CLK1: variants seen among roughly 807,000 people sequenced by gnomAD.
CLK1 encodes the protein dual specificity protein kinase CLK1.
In CLK1, 40 loss-of-function variants were observed where a neutral mutation model predicts 60.9. The ratio of observed to expected loss-of-function variants is 0.66; its 90% CI spans 0.51 to 0.86. CLK1 has a LOEUF of 0.86. Among genes scored for constraint, CLK1 ranks in the 40% least tolerant of loss-of-function variants. The probability of loss-of-function intolerance (pLI) is 0.00; values close to 1 mark genes in which losing one functional copy is unlikely to be tolerated. For synonymous variants in CLK1, 203 were observed against 184.4 expected (o/e 1.10, Z -0.82); for missense variants, 563 against 606.1 (o/e 0.93, Z 0.75).
chr2:200,857,538 C>A, intron 7 of CLK1, 180 bp downstream of exon 7: 1 of 513,100 alleles, frequency 1.9e-6, no homozygotes, highest in Non-Finnish European at 3.4e-6. Context: ...TGGTGGATAT[C>A]CTACTTGCTG....
chr2:200,860,832 T>C (rs1333441349), intron 3 of CLK1: 2 of 1,041,266 alleles, frequency 1.9e-6, no homozygotes. Context: ...ACATGACTTG[T>C]TAGAACAAAG....
chr2:200,857,566 TG>T, intron 7 of CLK1, 151 bp downstream of exon 7: 1 of 605,180 alleles, frequency 1.7e-6, no homozygotes. Flanking sequence ...TGTACACTGC[TG>T]GATCAACAGC....
intron 1 of CLK1, among the ~76,000 whole-genome samples, chr2:200,863,660 C>T (rs188535859): frequency 0.012 from 1,868 of 152,190 alleles, 19 homozygotes; most frequent in Non-Finnish European, 0.02. Context: ...CAGTTTGAGG[C>T]CAGCTTAATA....
intron 4 of CLK1, 25 bp from the exon 5 acceptor site, chr2:200,859,771 T>G: frequency 6.2e-7 from 1 of 1,610,892 alleles, no homozygotes; most frequent in Non-Finnish European, 8.5e-7. Flanking sequence ...TAAATCTCAG[T>G]CATATCAAGA....
chr2:200,856,945 A>T lies in CLK1; in HGVS notation c.873T>A (p.Pro291=). The change falls in exon 8 of 13, where the codon CCT becomes CCA. Residue 291 remains proline, a synonymous_variant. Transcript: ENST00000321356. ...CAGACTGCACAAATAAGATGTTTTCAGGCTTTAAGTCTGTGTGAGTCAACT... is the reference window on the plus strand; with the variant it reads ...CAGACTGCACAAATAAGATGTTTTCTGGCTTTAAGTCTGTGTGAGTCAACT... The part of the protein sequence containing the change: ...SNKLTHTDLK[P]ENILFVQSDY... 1 of 1,614,164 alleles carries T rather than the reference A, an allele frequency of 6.2e-7. No individual in the cohort carries two copies. Among genetic ancestry groups the T allele is most frequent in the Non-Finnish European group, 8.5e-7 (1 of 1,180,014 alleles).
chr2:200,860,562 T>C (rs2039120655), intron 3 of CLK1: 2 of 1,026,580 alleles, frequency 1.9e-6, no homozygotes, highest in African/African-American at 3.4e-5. Context: ...TGTTCTAATT[T>C]AATGTTGCAA....
At chr2:200,857,232 G>C (rs2039058377) in intron 7 of CLK1, 1 of 468,954 alleles carries the variant, frequency 2.1e-6, no homozygotes. Flanking sequence ...CTTGAACTGG[G>C]GAGGCAGAGT....
At chr2:200,863,492 A>T (rs546006757) in intron 1 of CLK1, among the ~76,000 whole-genome samples, 4 of 152,058 alleles carry the variant, frequency 2.6e-5, no homozygotes, top group African/African-American at 7.2e-5. Flanking sequence ...CAGATGTCGA[A>T]GCTGCAGTGA....
intron 1 of CLK1, chr2:200,864,174 G>A: frequency 6.4e-7 from 1 of 1,550,996 alleles, no homozygotes; most frequent in African/African-American, 1.4e-5. Flanking sequence ...CCTCAACGGG[G>A]AGCCTCGCCT....
intron 11 of CLK1, 81 bp from the exon 12 acceptor site, chr2:200,854,074 TC>T: frequency 1.1e-6 from 1 of 876,196 alleles, no homozygotes; most frequent in Non-Finnish European, 1.8e-6. Flanking sequence ...TACTATGCTT[TC>T]CCAGATCACT....
rs1271939190 is a variant in CLK1 at position 200,860,879 on chromosome 2, GC to G, written c.390+358del. ...ATCCTAAATTATACAAAAATAAAAT[GC>G]CCTGTTCTACTTTTGTGATTTCAAT... On this transcript the variant is annotated intron_variant, in intron 3 of 12. Coordinates refer to ENST00000321356, the MANE Select transcript of CLK1 (RefSeq NM_004071.4). The G allele has an allele frequency of 3.8e-6, 4 of 1,066,360 alleles. No individual in the cohort carries two copies. In the African/African-American group the frequency reaches 6.8e-5, roughly 18 times the overall value. The allele number at this position is 1,066,360 out of a possible 1,614,324, so 66.1% of individuals were successfully genotyped here.
In CLK1 at chr2:200,856,705, TA is replaced by T; in HGVS notation, c.1033del (p.Tyr345IlefsTer8). The T allele has an allele frequency of 3.1e-6, 5 of 1,602,834 alleles. No individual in the cohort carries two copies. Among genetic ancestry groups the T allele is most frequent in the Non-Finnish European group, 4.3e-6 (5 of 1,175,170 alleles). ...ACCTAAAATAACTTCAGGTGCTCTATAATGTCTTGTAGATACCAATGTACTG... is the reference window on the plus strand; with the variant it reads ...ACCTAAAATAACTTCAGGTGCTCTATATGTCTTGTAGATACCAATGTACTG... Reference protein sequence around the residue: ...HHSTLVSTRHYRAPEVILALG... With the variant: ...HHSTLVSTRHXRAPEVILALG... On this transcript the variant is annotated frameshift_variant, in exon 9 of 13. Transcript: ENST00000321356. LOFTEE classifies it high-confidence loss of function.
intron 1 of CLK1, 73 bp from the exon 2 acceptor site, chr2:200,861,935 GGTCCCCTC>G (rs1159802323): frequency 5.1e-6 from 7 of 1,367,778 alleles, no homozygotes; most frequent in Non-Finnish European, 7.1e-6. Context: ...TAATTACAAA[GGTCCCCTC>G]GTGACCTCGT....
chr2:200,853,679 GAAAAAAAAAAA>G (rs34449560), intron 12 of CLK1, among the ~76,000 whole-genome samples: 17 of 49,120 alleles, frequency 3.5e-4, no homozygotes, highest in South Asian at 1.0e-3. Context: ...GTCTTTACTT[GAAAAAAAAAAA>G]AAAAAAAAAA....
Position 200,857,882 on chromosome 2 carries a change from C to T in CLK1, c.668G>A (p.Arg223His), listed in dbSNP as rs568116164. Reference sequence around the variant, plus strand: ...AAACCATTCCAACATCTGGACACAGCGGCTACAAACACATGAAAAATAGCT... The same window carrying T: ...AAACCATTCCAACATCTGGACACAGTGGCTACAAACACATGAAAAATAGCT... ...LNTTDPNSTF[R>H]CVQMLEWFEH... Residue 223 changes from arginine (R) to histidine (H), a missense_variant and splice_region_variant, in exon 7 of 13, where the codon CGC becomes CAC. By Grantham distance (29) the Arg-to-His change is conservative. Transcript: ENST00000321356. 33 of 1,611,654 alleles carry T rather than the reference C, an allele frequency of 2.0e-5. No individual in the cohort carries two copies. The highest frequency in any genetic ancestry group is 3.4e-5 in the Admixed American group (2 of 59,680).
chr2:200,862,604 C>T (rs1274292202), intron 1 of CLK1, among the ~76,000 whole-genome samples: 1 of 152,250 alleles, frequency 6.6e-6, no homozygotes, highest in African/African-American at 2.4e-5. Flanking sequence ...CCCGCCTGCA[C>T]CCAGGTGAAA....
At chr2:200,854,743 G>C (rs1018673337) in intron 10 of CLK1, 48 bp from the exon 11 acceptor site, 20 of 1,344,686 alleles carry the variant, frequency 1.5e-5, no homozygotes, top group African/African-American at 2.9e-5. Flanking sequence ...CACCAAAACA[G>C]ACACAGTTAA....
At position 200,853,412 on chromosome 2, in the gene CLK1, A is replaced by G; in HGVS notation, c.1349T>C (p.Leu450Pro). 1.9e-6 allele frequency: 3 copies of G among 1,610,536 alleles called. No individual in the cohort carries two copies. Among genetic ancestry groups the G allele is most frequent in the Non-Finnish European group, 2.5e-6 (3 of 1,179,080 alleles). The change falls in exon 13 of 13, where the codon CTC (leucine) becomes CCC (proline). Residue 450 changes from leucine (L) to proline (P), a missense_variant. Physicochemically the swap from Leu to Pro is moderately conservative, Grantham distance 98 (BLOSUM62 -3). Coordinates refer to ENST00000321356, the MANE Select transcript of CLK1 (RefSeq NM_004071.4). Reference sequence around the variant, plus strand: ...CAACATTTTCTGAATGAGGTCAAAGAGACGCTCATGTTCAACATCTTGAGA... The same window carrying G: ...CAACATTTTCTGAATGAGGTCAAAGGGACGCTCATGTTCAACATCTTGAGA... ...MLSQDVEHERLFDLIQKMLEY... is the reference protein window; with the variant it reads ...MLSQDVEHERPFDLIQKMLEY...
chr2:200,854,534 T>G, intron 11 of CLK1, 82 bp downstream of exon 11: 1 of 732,308 alleles, frequency 1.4e-6, no homozygotes, highest in Non-Finnish European at 2.2e-6. Context: ...AGACTCCATC[T>G]CAAAAAAAAA....
Sources: gnomAD v4.1 joint callset for allele counts (sites outside exome capture counted in the v4.1 genomes callset) on GRCh38, gnomAD v4.1.1 for gene constraint, MANE v1.5 for transcripts, NCBI Gene and HGNC (gene_info 2026-07-23, HGNC 2026-07-21) for gene names.